The following SPAG17 variants were observed in gnomAD, a reference collection of about 807,000 sequenced individuals.
SPAG17 encodes sperm-associated antigen 17.
Under a neutral mutation model 273.6 loss-of-function variants are expected in SPAG17, and 169 were observed. The ratio of observed to expected loss-of-function variants is 0.62; its 90% CI spans 0.55 to 0.70. The LOEUF (loss-of-function observed/expected upper bound fraction) is 0.70. Ranked by LOEUF, SPAG17 falls within the 30% of genes least tolerant of loss-of-function variation. The pLI, the probability that SPAG17 is intolerant of heterozygous loss-of-function variation, is 0.00. For missense variants in SPAG17, 2,557 were observed against 2,627.8 expected, an observed-to-expected ratio of 0.97 and a Z score of 0.59; for synonymous variants, 825 against 873.2, an observed-to-expected ratio of 0.94 and a Z score of 0.97.
intron 37 of SPAG17, 69 bp downstream of exon 37, chr1:117,991,346 A>T: frequency 1.1e-6 from 1 of 928,612 alleles, no homozygotes. Flanking sequence ...ATTTCTTACG[A>T]TATTTTGTCC....
intron 4 of SPAG17, among the ~76,000 whole-genome samples, chr1:118,109,400 A>AAG (rs1352902861): frequency 6.6e-6 from 1 of 150,418 alleles, no homozygotes; most frequent in Non-Finnish European, 1.5e-5. Context: ...AAAAAAAAAA[A>AAG]AAATTAGCCG....
intron 7 of SPAG17, among the ~76,000 whole-genome samples, chr1:118,094,407 G>A (rs1449280612): frequency 6.6e-6 from 1 of 152,132 alleles, no homozygotes; most frequent in Non-Finnish European, 1.5e-5. Context: ...GTCTTCCAGG[G>A]ACAGTTATCA....
Position 118,101,714 on chromosome 1 carries a change from A to G in SPAG17, c.634+26T>C. 3 of 1,598,986 alleles carry G rather than the reference A, an allele frequency of 1.9e-6. No homozygotes were observed. In the South Asian group the frequency reaches 3.4e-5, roughly 18 times the overall value. ...CCACTGTGTTTCACTCGTGAAAGGC[A>G]CCGCCGGCAGCAGCACCTTACTGAC... On this transcript the variant is annotated intron_variant, in intron 5 of 48. Coordinates refer to ENST00000336338, the MANE Select transcript of SPAG17 (RefSeq NM_206996.4).
chr1:118,022,783 T>C (rs1294392558), intron 28 of SPAG17, among the ~76,000 whole-genome samples: 1 of 152,188 alleles, frequency 6.6e-6, no homozygotes, highest in Non-Finnish European at 1.5e-5. Context: ...CAGCCAGGTC[T>C]AGTCAATGAC....
intron 3 of SPAG17, among the ~76,000 whole-genome samples, chr1:118,128,959 T>A (rs1657900990): frequency 6.6e-6 from 1 of 152,232 alleles, no homozygotes; most frequent in Non-Finnish European, 1.5e-5. Flanking sequence ...TGCATGTGAT[T>A]TTGTTCAGGC....
chr1:118,146,547 ATATAT>A (rs779423367), intron 3 of SPAG17, among the ~76,000 whole-genome samples: 5 of 152,180 alleles, frequency 3.3e-5, no homozygotes, highest in Non-Finnish European at 7.4e-5. Flanking sequence ...CCTATTTAGC[ATATAT>A]TATACCATAT....
At chr1:117,983,196 G>T (rs1025068906) in intron 42 of SPAG17, among the ~76,000 whole-genome samples, 10 of 152,168 alleles carry the variant, frequency 6.6e-5, no homozygotes, top group Non-Finnish European at 1.2e-4. Flanking sequence ...CAGGGGAACT[G>T]CCCCTTATAA....
chr1:117,971,826 A>G (rs1654594837), intron 45 of SPAG17, 37 bp downstream of exon 45: 2 of 1,565,986 alleles, frequency 1.3e-6, no homozygotes, highest in Non-Finnish European at 1.7e-6. Context: ...GGGTAGGGAA[A>G]GGTAACCTGA....
At chr1:118,018,113 G>T (rs1042201741) in intron 28 of SPAG17, among the ~76,000 whole-genome samples, 3 of 152,218 alleles carry the variant, frequency 2.0e-5, no homozygotes, top group African/African-American at 7.2e-5. Flanking sequence ...ATTTTGTCCA[G>T]TGGGTTTTTG....
intron 6 of SPAG17, among the ~76,000 whole-genome samples, chr1:118,098,281 C>G (rs1487547431): frequency 6.6e-6 from 1 of 152,122 alleles, no homozygotes; most frequent in Non-Finnish European, 1.5e-5. Flanking sequence ...TTGCTGAAAA[C>G]AGAGTGGATC....
At chr1:118,091,557 AG>A in intron 10 of SPAG17, 48 bp downstream of exon 10, 1 of 988,966 alleles carries the variant, frequency 1.0e-6, no homozygotes, top group South Asian at 1.4e-5. Context: ...AAGCCAGGAA[AG>A]ATGAAACGAC....
In SPAG17 at chr1:118,023,305, T is replaced by A. The variant is rs1243283954; in HGVS notation, c.4068A>T (p.Lys1356Asn). 6.2e-7 allele frequency: 1 copy of A among 1,609,092 alleles called. No homozygotes were observed. The highest frequency in any genetic ancestry group is 8.5e-7 in the Non-Finnish European group (1 of 1,177,254). ...TIPSEITNTK[K>N]GKSHKSQSSM... ...AAACTGAGAGGCTTCAATTGTTACCTTTCTTTGTGTTGGTAATCTCAGATG... is the reference window on the plus strand; with the variant it reads ...AAACTGAGAGGCTTCAATTGTTACCATTCTTTGTGTTGGTAATCTCAGATG... Residue 1356 changes from lysine (K) to asparagine (N), a missense_variant and splice_region_variant, in exon 28 of 49, where the codon AAA becomes AAT. Coordinates refer to ENST00000336338, the MANE Select transcript of SPAG17 (RefSeq NM_206996.4).
rs541905686 is a variant in SPAG17 at position 118,000,653 on chromosome 1, G to T, written c.4777-3910C>A. ...GTTATTGATGTATAGGAATGCTTGT[G>T]ATTTTTGCACATTGATTTTGTATCT... On this transcript the variant is annotated intron_variant, in intron 32 of 48. Coordinates refer to ENST00000336338, the MANE Select transcript of SPAG17 (RefSeq NM_206996.4). 3.9e-5 allele frequency among the ~76,000 whole-genome samples: 6 copies of T among 152,294 alleles called. No individual in the cohort carries two copies. The East Asian group carries it at 1.2e-3, about 29-fold the overall frequency.
At chr1:117,987,941 A>G in intron 39 of SPAG17, 60 bp from the exon 40 acceptor site, 1 of 1,582,848 alleles carries the variant, frequency 6.3e-7, no homozygotes, top group Middle Eastern at 1.7e-4. Context: ...TTAAAAACAA[A>G]ACCAAAAACC....
chr1:118,073,033 G>A (rs1467895630), intron 17 of SPAG17, among the ~76,000 whole-genome samples: 1 of 152,016 alleles, frequency 6.6e-6, no homozygotes, highest in African/African-American at 2.4e-5. Context: ...GGGGGAAGGA[G>A]GCTGCTATTT....
Position 118,116,687 on chromosome 1 carries a change from C to T in SPAG17, c.316-1246G>A, listed in dbSNP as rs141334994. Among the ~76,000 whole-genome samples the T allele has an allele frequency of 1.4e-3, 217 of 152,246 alleles. 1 individual carries two copies. Among genetic ancestry groups the T allele is most frequent in the Middle Eastern group, 6.8e-3 (2 of 294 alleles). ...ACCATGTGCCAAAATGTAACTGGAC[C>T]TCATAGAGATCACATTGGGGTTCCC... On this transcript the variant is annotated intron_variant, in intron 3 of 48. Transcript: ENST00000336338.
intron 3 of SPAG17, among the ~76,000 whole-genome samples, chr1:118,115,778 T>C (rs1184569933): frequency 6.6e-6 from 1 of 152,220 alleles, no homozygotes; most frequent in Non-Finnish European, 1.5e-5. Flanking sequence ...GGGTGATTCA[T>C]GCTACAGAAA....
intron 32 of SPAG17, among the ~76,000 whole-genome samples, chr1:117,999,486 T>C (rs902788306): frequency 6.6e-5 from 10 of 152,128 alleles, no homozygotes; most frequent in Non-Finnish European, 1.3e-4. Context: ...CTCTCCAGCA[T>C]CTGTTGTTTC....
rs1442907541 is a variant in SPAG17, at chr1:118,070,587, T to G, written c.2385+3267A>C. Among the ~76,000 whole-genome samples the G allele has an allele frequency of 2.0e-5, 3 of 152,218 alleles. No homozygotes were observed. The East Asian group carries it at 5.8e-4, about 29-fold the overall frequency. On this transcript the variant is annotated intron_variant, in intron 17 of 48. Coordinates refer to ENST00000336338, the MANE Select transcript of SPAG17 (RefSeq NM_206996.4). ...ATTGTGTAAAAGCCTAAATCAGCAC[T>G]GCTCAATAGAAATATAAAGTGAGCC...
Sources: allele counts gnomAD v4.1 joint callset (sites outside exome capture counted in the v4.1 genomes callset), GRCh38; gene constraint gnomAD v4.1.1; transcripts MANE v1.5; gene names NCBI Gene and HGNC (gene_info 2026-07-23, HGNC 2026-07-21).